Variants in BCL7C observed in about 807,000 individuals in gnomAD.
BCL7C encodes BAF chromatin remodeling complex subunit BCL7C, also known as B-cell CLL/lymphoma 7 protein family member C.
BCL7C carries 8 observed loss-of-function variants against 26.2 expected under a neutral mutation model. That is an observed-to-expected ratio of 0.30 (90% CI 0.18 to 0.55). The LOEUF is 0.55. Ranked by LOEUF, BCL7C falls within the 20% of genes least tolerant of loss-of-function variation. The pLI is 0.93. For synonymous variants in BCL7C, 90 were observed against 116.5 expected (o/e 0.77, Z 1.47); for missense variants, 262 against 298.5 (o/e 0.88, Z 0.90).
intron 5 of BCL7C, among the ~76,000 whole-genome samples, chr16:30,870,335 A>T (rs1403366776): frequency 6.6e-6 from 1 of 151,930 alleles, no homozygotes; most frequent in East Asian, 1.9e-4. Context: ...TGAAGTTCCT[A>T]AAAAAAAGGA....
intron 5 of BCL7C, among the ~76,000 whole-genome samples, chr16:30,871,314 C>T (rs770353491): frequency 5.3e-5 from 8 of 152,154 alleles, no homozygotes; most frequent in Non-Finnish European, 1.2e-4. Flanking sequence ...TCAGATGATA[C>T]GGATTCAGAT....
intron 5 of BCL7C, among the ~76,000 whole-genome samples, chr16:30,842,073 C>T (rs186909425): frequency 6.6e-6 from 1 of 152,058 alleles, no homozygotes; most frequent in Non-Finnish European, 1.5e-5. Flanking sequence ...TGTTCACCCC[C>T]CTTTGTTCAG....
chr16:30,868,230 C>A (rs1191664427), intron 5 of BCL7C, among the ~76,000 whole-genome samples: 1 of 147,794 alleles, frequency 6.8e-6, no homozygotes, highest in East Asian at 2.0e-4. Context: ...TGGGTTCAAG[C>A]GATTCTCCTG....
chr16:30,846,606 A>C (rs2054637630), intron 5 of BCL7C, among the ~76,000 whole-genome samples: 1 of 152,172 alleles, frequency 6.6e-6, no homozygotes, highest in African/African-American at 2.4e-5. Flanking sequence ...AATTGTCTTT[A>C]GCTCTCATTA....
chr16:30,835,853 A>G (rs1207437240), intron 5 of BCL7C, among the ~76,000 whole-genome samples: 1 of 151,822 alleles, frequency 6.6e-6, no homozygotes, highest in Non-Finnish European at 1.5e-5. Context: ...CTGAAGAAAA[A>G]AAAGAAAAAA....
chr16:30,886,253 G>A (rs1810518811), downstream of BCL7C, among the ~76,000 whole-genome samples: 1 of 152,166 alleles, frequency 6.6e-6, no homozygotes, highest in Admixed American at 6.6e-5. Context: ...GGCACAGAGT[G>A]AGAGGGCCTT....
At chr16:30,888,732 TA>T in intron 5 of BCL7C, 127 bp downstream of exon 5, 1 of 795,744 alleles carries the variant, frequency 1.3e-6, no homozygotes, top group Non-Finnish European at 2.0e-6. Context: ...ACCCAGCCCC[TA>T]AGCCTTCAGC....
chr16:30,879,984 C>T (rs1434161638), intron 5 of BCL7C, among the ~76,000 whole-genome samples: 3 of 139,928 alleles, frequency 2.1e-5, no homozygotes, highest in South Asian at 3.9e-4. Context: ...AGCGTGATTC[C>T]GTCTCAAAAA....
At chr16:30,870,683 TTAAA>T (rs371801397) in intron 5 of BCL7C, among the ~76,000 whole-genome samples, 271 of 151,758 alleles carry the variant, frequency 1.8e-3, no homozygotes, top group African/African-American at 5.0e-3. Flanking sequence ...TAAAATAAAA[TTAAA>T]TAAATAAATA....
chr16:30,856,060 TAAA>T (rs758984617), intron 5 of BCL7C, among the ~76,000 whole-genome samples: 3 of 97,400 alleles, frequency 3.1e-5, no homozygotes, highest in African/African-American at 3.8e-5. Flanking sequence ...AGACTCCATC[TAAA>T]AAAAAAAAAA....
intron 5 of BCL7C, among the ~76,000 whole-genome samples, chr16:30,874,827 C>A (rs1596606365): frequency 6.6e-6 from 1 of 152,156 alleles, no homozygotes; most frequent in South Asian, 2.1e-4. Flanking sequence ...GCAGCTTCTG[C>A]CTCGCGAGGT....
At chr16:30,886,855 C>G (rs1480950111), downstream of BCL7C, among the ~76,000 whole-genome samples, 2 of 152,166 alleles carry the variant, frequency 1.3e-5, no homozygotes, top group East Asian at 3.8e-4. Context: ...CCAAGTCCCT[C>G]TGGGCCTCTG....
chr16:30,849,728 G>C (rs958574051), intron 5 of BCL7C, among the ~76,000 whole-genome samples: 1 of 149,846 alleles, frequency 6.7e-6, no homozygotes, highest in African/African-American at 2.4e-5. Flanking sequence ...TGGGATTATA[G>C]GCATGAGCCC....
At chr16:30,851,050 A>G (rs1253960219) in intron 5 of BCL7C, among the ~76,000 whole-genome samples, 1 of 152,034 alleles carries the variant, frequency 6.6e-6, no homozygotes, top group Non-Finnish European at 1.5e-5. Context: ...CCAATAAGAA[A>G]TAAGTTTGTT....
In BCL7C at chr16:30,894,023, C is replaced by G. The variant is rs1051139784; in HGVS notation, c.-79G>C. 3.4e-6 allele frequency: 2 copies of G among 594,368 alleles called. No individual in the cohort carries two copies. Among genetic ancestry groups the G allele is most frequent in the Non-Finnish European group, 4.4e-6 (2 of 456,368 alleles). The allele number at this position is 594,368 out of a possible 1,614,324, so 36.8% of individuals were successfully genotyped here. A position where few individuals can be genotyped will look rare whatever the true frequency, so the allele number is the denominator to read the frequency against. Reference sequence around the variant, plus strand: ...GCGGGCTCAGGCTCCGCGCCAGGCCCGGGCGCCGCGCTCTCGGCCTGCCGT... The same window carrying G: ...GCGGGCTCAGGCTCCGCGCCAGGCCGGGGCGCCGCGCTCTCGGCCTGCCGT... On this transcript the variant is annotated 5_prime_UTR_variant, in exon 1 of 6. Transcript: ENST00000215115.
At chr16:30,862,767 C>T (rs2054789457) in intron 5 of BCL7C, among the ~76,000 whole-genome samples, 1 of 152,110 alleles carries the variant, frequency 6.6e-6, no homozygotes, top group Non-Finnish European at 1.5e-5. Context: ...TGGTTAGGTA[C>T]TTTCACCTTT....
At chr16:30,837,871 C>T (rs1312633015) in intron 5 of BCL7C, among the ~76,000 whole-genome samples, 3 of 152,304 alleles carry the variant, frequency 2.0e-5, no homozygotes, top group Non-Finnish European at 4.4e-5. Context: ...CAACAAGGTG[C>T]CAGCCACTGG....
At chr16:30,864,887 T>C (rs9796842) in intron 5 of BCL7C, among the ~76,000 whole-genome samples, 107,253 of 144,068 alleles carry the variant, frequency 0.74, 39,830 homozygotes, top group East Asian at 0.92. Context: ...TATTCTCCCC[T>C]GCCCTTAAGA....
intron 5 of BCL7C, among the ~76,000 whole-genome samples, chr16:30,865,381 C>T (rs1004045579): frequency 6.6e-6 from 1 of 151,790 alleles, no homozygotes; most frequent in Non-Finnish European, 1.5e-5. Flanking sequence ...GGTATCTTCA[C>T]CCGGAAGCGT....
Sources: allele counts gnomAD v4.1 joint callset (sites outside exome capture counted in the v4.1 genomes callset), GRCh38; gene constraint gnomAD v4.1.1; transcripts MANE v1.5; gene names NCBI Gene and HGNC (gene_info 2026-07-23, HGNC 2026-07-21).